The following CLEC4D variants were observed in gnomAD, a reference collection of about 807,000 sequenced individuals.
CLEC4D encodes C-type lectin domain family 4 member D.
A neutral mutation model predicts 21.1 loss-of-function variants in CLEC4D; 21 were observed. The observed-to-expected ratio is 1.00, with a 90% CI of 0.71 to 1.43. The LOEUF is 1.43. Among genes scored for constraint, CLEC4D ranks in the 40% most tolerant of loss-of-function variants. The pLI is 0.00. For missense variants in CLEC4D, 289 were observed against 260.7 expected (o/e 1.11, Z -0.75); for synonymous variants, 85 against 83.1 (o/e 1.02, Z -0.12).
At chr12:8,514,766 G>C (rs1252490252) in intron 1 of CLEC4D, among the ~76,000 whole-genome samples, 1 of 152,006 alleles carries the variant, frequency 6.6e-6, no homozygotes, top group East Asian at 1.9e-4. Context: ...GCATATTTTT[G>C]TTTGATTAGT....
intron 3 of CLEC4D, 151 bp from the exon 4 acceptor site, chr12:8,518,858 A>G: frequency 1.5e-6 from 2 of 1,353,454 alleles, no homozygotes; most frequent in Non-Finnish European, 1.9e-6. Flanking sequence ...TGTAATTTTC[A>G]GGATCTTTTG....
intron 4 of CLEC4D, among the ~76,000 whole-genome samples, 191 bp from the exon 5 acceptor site, chr12:8,520,035 G>A (rs1397129680): frequency 6.6e-6 from 1 of 152,180 alleles, no homozygotes; most frequent in Admixed American, 6.5e-5. Context: ...CCCTTTTGAA[G>A]ACAAGAGCAC....
downstream of CLEC4D, among the ~76,000 whole-genome samples, chr12:8,525,384 T>C (rs1940498434): frequency 6.6e-6 from 1 of 152,236 alleles, no homozygotes; most frequent in African/African-American, 2.4e-5. Context: ...TGGGTGCTCC[T>C]GTATTGGGTG....
Position 8,521,431 on chromosome 12 carries a change from C to G in CLEC4D, c.*160C>G. The stretch of plus-strand genomic sequence containing the variant: ...ATTTTGTTTGATTCATTCGAGACAA[C>G]ATGTGTGTATGTGTGTGTGTGTGTG... On this transcript the variant is annotated 3_prime_UTR_variant, in exon 6 of 6. Transcript: ENST00000299665. 1 of 1,387,318 alleles carries G rather than the reference C, an allele frequency of 7.2e-7. No homozygotes were observed. Among genetic ancestry groups the G allele is most frequent in the South Asian group, 1.6e-5 (1 of 62,848 alleles). The allele number at this position is 1,387,318 out of a possible 1,614,324, so 85.9% of individuals were successfully genotyped here.
rs1260010270 is a variant in CLEC4D, at chr12:8,520,331, C to T, written c.490C>T (p.Pro164Ser). The T allele has an allele frequency of 3.7e-6, 6 of 1,613,774 alleles. No individual in the cohort carries two copies. The highest frequency in any genetic ancestry group is 1.1e-5 in the South Asian group (1 of 91,054). Reference sequence around the variant, plus strand: ...TTGGGTGGACCAGACGCCATTTAACCCACGCAGAGTGTAAGTATATTGAGT... The same window carrying T: ...TTGGGTGGACCAGACGCCATTTAACTCACGCAGAGTGTAAGTATATTGAGT... ...WRWVDQTPFN[P>S]RRVFWHKNEP... is the part of the protein sequence containing the mutation. Residue 164 changes from proline to serine, a missense_variant, in exon 5 of 6, where the codon CCA (proline) becomes TCA (serine). Physicochemically the swap from Pro to Ser is moderately conservative, Grantham distance 74. Coordinates refer to ENST00000299665, the MANE Select transcript of CLEC4D (RefSeq NM_080387.5).
chr12:8,519,133 G>A lies in CLEC4D; in HGVS notation c.357G>A (p.Leu119=). The A allele has an allele frequency of 6.2e-7, 1 of 1,613,982 alleles. No individual in the cohort carries two copies. Among genetic ancestry groups the A allele is most frequent in the East Asian group, 2.2e-5 (1 of 44,858 alleles). ...ACTGTTCAGGGATGGGGGCCCATCT[G>A]ATGACCATCAGCACGGAAGCTGAGC... ...ERNCSGMGAH[L]MTISTEAEQN... Residue 119 remains leucine, a synonymous_variant, in exon 4 of 6, where the codon CTG becomes CTA. Transcript: ENST00000299665.
chr12:8,522,984 C>T (rs558673862), downstream of CLEC4D, among the ~76,000 whole-genome samples: 16 of 152,090 alleles, frequency 1.1e-4, no homozygotes, highest in African/African-American at 3.6e-4. Flanking sequence ...TTTTGCCAGA[C>T]TTGTTGAATA....
At chr12:8,517,048 T>G (rs780934914) in intron 2 of CLEC4D, among the ~76,000 whole-genome samples, 3 of 152,250 alleles carry the variant, frequency 2.0e-5, no homozygotes, top group Non-Finnish European at 2.9e-5. Flanking sequence ...TATAGGGACA[T>G]GTTAGTAAGT....
Position 8,520,316 on chromosome 12 carries a change from C to A in CLEC4D, c.475C>A (p.Gln159Lys). The A allele has an allele frequency of 1.2e-6, 2 of 1,613,958 alleles. No homozygotes were observed. Among genetic ancestry groups the A allele is most frequent in the East Asian group, 2.2e-5 (1 of 44,878 alleles). The change falls in exon 5 of 6, where the codon CAG (glutamine) becomes AAG (lysine). Residue 159 changes from glutamine to lysine, a missense_variant. Transcript: ENST00000299665. ...NAKGQWRWVD[Q>K]TPFNPRRVFW... Reference sequence around the variant, plus strand: ...CAAAGGTCAGTGGCGTTGGGTGGACCAGACGCCATTTAACCCACGCAGAGT... The same window carrying A: ...CAAAGGTCAGTGGCGTTGGGTGGACAAGACGCCATTTAACCCACGCAGAGT...
chr12:8,523,707 T>C (rs1940484013), downstream of CLEC4D, among the ~76,000 whole-genome samples: 1 of 152,216 alleles, frequency 6.6e-6, no homozygotes. Context: ...CTTGACTGAT[T>C]GCCCTGGCCA....
the CLEC4D span, among the ~76,000 whole-genome samples, chr12:8,528,889 TAAA>T: frequency 6.6e-6 from 1 of 151,510 alleles, no homozygotes; most frequent in Non-Finnish European, 1.5e-5. Flanking sequence ...CTATACATAA[TAAA>T]CATATAATTA....
downstream of CLEC4D, among the ~76,000 whole-genome samples, chr12:8,525,608 T>C (rs893396704): frequency 5.9e-5 from 9 of 152,190 alleles, no homozygotes; most frequent in Admixed American, 2.0e-4. Flanking sequence ...GTCGCCTGAA[T>C]ACAGCACACC....
In CLEC4D at chr12:8,521,557, C is replaced by A; in HGVS notation, c.*286C>A. 3.1e-6 allele frequency: 1 copy of A among 323,510 alleles called. No homozygotes were observed. Among genetic ancestry groups the A allele is most frequent in the Non-Finnish European group, 5.0e-6 (1 of 198,452 alleles). The allele number at this position is 323,510 out of a possible 1,614,324, so 20.0% of individuals were successfully genotyped here. On this transcript the variant is annotated 3_prime_UTR_variant, in exon 6 of 6. Transcript: ENST00000299665. ...GTGTTTACTTTTCAATTGGTGTGCA[C>A]TGAATGCATGTATGGAAGAATAGCG...
chr12:8,516,525 GAAATGC>G (rs1378722417), intron 2 of CLEC4D, among the ~76,000 whole-genome samples: 1 of 152,178 alleles, frequency 6.6e-6, no homozygotes, highest in African/African-American at 2.4e-5. Flanking sequence ...AATTATCAGG[GAAATGC>G]AAATGCAACT....
Position 8,515,250 on chromosome 12 carries a change from C to T in CLEC4D, c.43C>T (p.His15Tyr). The T allele has an allele frequency of 1.4e-6, 2 of 1,441,918 alleles. No homozygotes were observed. The highest frequency in any genetic ancestry group is 1.1e-5 in the South Asian group (1 of 87,616). 89.3% of individuals were successfully genotyped at this position (1,441,918 alleles called of 1,614,324 possible). A position where few individuals can be genotyped will look rare whatever the true frequency, so the allele number is the denominator to read the frequency against. The change falls in exon 2 of 6, where the codon CAT becomes TAT. Residue 15 changes from histidine (H) to tyrosine (Y), a missense_variant. Physicochemically the swap from His to Tyr is moderately conservative, Grantham distance 83. Coordinates refer to ENST00000299665, the MANE Select transcript of CLEC4D (RefSeq NM_080387.5). ...KPQSKLEGGM[H>Y]PQLIPSVIAV... Reference sequence around the variant, plus strand: ...TTTGGTCCTAGTGGAAGGAGGCATGCATCCCCAGCTGATACCTTCGGTTAT... The same window carrying T: ...TTTGGTCCTAGTGGAAGGAGGCATGTATCCCCAGCTGATACCTTCGGTTAT...
chr12:8,525,641 A>C (rs773295862), downstream of CLEC4D, among the ~76,000 whole-genome samples: 5 of 152,136 alleles, frequency 3.3e-5, no homozygotes, highest in Non-Finnish European at 7.3e-5. Context: ...GTCCTTATCC[A>C]ATTTGCCAGT....
chr12:8,521,084 A>G (rs754525733), intron 5 of CLEC4D, 40 bp from the exon 6 acceptor site: 3 of 1,599,584 alleles, frequency 1.9e-6, no homozygotes, highest in Admixed American at 3.5e-5. Context: ...CATTGTCTAT[A>G]TATACCTATA....
At chr12:8,516,466 G>A (rs777589201) in intron 2 of CLEC4D, among the ~76,000 whole-genome samples, 147 of 152,244 alleles carry the variant, frequency 9.7e-4, no homozygotes, top group Non-Finnish European at 1.2e-3. Flanking sequence ...AAAACAAAGA[G>A]AAAAATGAAA....
At position 8,520,209 on chromosome 12, in the gene CLEC4D, T is replaced by G. The variant is rs776169797; in HGVS notation, c.385-17T>G. 2 of 1,612,506 alleles carry G rather than the reference T, an allele frequency of 1.2e-6. No homozygotes were observed. Among genetic ancestry groups the G allele is most frequent in the Non-Finnish European group, 1.7e-6 (2 of 1,178,900 alleles). Reference sequence around the variant, plus strand: ...CCTGATTCATGCAACTATATTAAAATTTACATTTTTATGCAGAACTTTATT... The same window carrying G: ...CCTGATTCATGCAACTATATTAAAAGTTACATTTTTATGCAGAACTTTATT... On this transcript the variant is annotated splice_polypyrimidine_tract_variant and intron_variant, in intron 4 of 5. Coordinates refer to ENST00000299665, the MANE Select transcript of CLEC4D (RefSeq NM_080387.5).
Sources: gnomAD v4.1 joint callset for allele counts (sites outside exome capture counted in the v4.1 genomes callset) on GRCh38, gnomAD v4.1.1 for gene constraint, MANE v1.5 for transcripts, NCBI Gene and HGNC (gene_info 2026-07-23, HGNC 2026-07-21) for gene names.